Variants in MDH1 observed in about 807,000 individuals in gnomAD.
The protein encoded by MDH1 is malate dehydrogenase 1.
MDH1 carries 15 observed loss-of-function variants against 38.7 expected under a neutral mutation model. The observed-to-expected ratio is 0.39, with a 90% CI of 0.26 to 0.60. MDH1 has a LOEUF of 0.60. Ranked by LOEUF, MDH1 falls within the 20% of genes least tolerant of loss-of-function variation. The pLI is 0.56. For missense variants in MDH1, 368 were observed against 405.2 expected (o/e 0.91, Z 0.79); for synonymous variants, 144 against 143.6 (o/e 1.00, Z -0.02).
intron 1 of MDH1, among the ~76,000 whole-genome samples, chr2:63,589,740 C>T (rs1709125581): frequency 6.6e-6 from 1 of 152,068 alleles, no homozygotes; most frequent in African/African-American, 2.4e-5. Flanking sequence ...TCATGGAAGA[C>T]CTGGGTAACC....
intron 2 of MDH1, 102 bp from the exon 3 acceptor site, chr2:63,595,321 A>T (rs1709286264): frequency 1.3e-6 from 1 of 754,144 alleles, no homozygotes; most frequent in Admixed American, 2.0e-5. Context: ...ATTAATGGGA[A>T]TTACATGCAT....
At chr2:63,602,944 T>TTTTTG in intron 5 of MDH1, among the ~76,000 whole-genome samples, 2 of 3,062 alleles carry the variant, frequency 6.5e-4, no homozygotes, top group Non-Finnish European at 8.7e-4. Context: ...CTTTTTTTTT[T>TTTTTG]TTTTTTTTTT....
chr2:63,592,952 A>G (rs1436431394), intron 1 of MDH1, among the ~76,000 whole-genome samples: 1 of 152,186 alleles, frequency 6.6e-6, no homozygotes, highest in Non-Finnish European at 1.5e-5. Context: ...AAAGAAGGGA[A>G]AATGACAGAA....
At chr2:63,597,230 T>C (rs1438697807) in intron 3 of MDH1, 169 bp from the exon 4 acceptor site, 2 of 937,876 alleles carry the variant, frequency 2.1e-6, no homozygotes, top group Admixed American at 1.2e-4. Flanking sequence ...TCTAATGTTA[T>C]GATTGTTAAA....
chr2:63,605,242 C>G, intron 6 of MDH1, 38 bp from the exon 7 acceptor site: 1 of 1,361,246 alleles, frequency 7.3e-7, no homozygotes. Flanking sequence ...GCTATCATGA[C>G]CAAGTAATAC....
chr2:63,604,797 G>C lies in MDH1; in HGVS notation c.600G>C (p.Val200=). The stretch of plus-strand genomic sequence containing the variant: ...ATCCAGATGTCAACCATGCCAAGGT[G>C]AAATTGCAAGGAAAGGAAGTTGGTG... ...TQYPDVNHAK[V]KLQGKEVGVY... The change falls in exon 6 of 9, where the codon GTG becomes GTC. Residue 200 remains valine, a synonymous_variant. Coordinates refer to ENST00000233114, the MANE Select transcript of MDH1 (RefSeq NM_005917.4). The C allele has an allele frequency of 2.5e-6, 4 of 1,614,172 alleles. No individual in the cohort carries two copies. The highest frequency in any genetic ancestry group is 3.4e-6 in the Non-Finnish European group (4 of 1,180,016).
At chr2:63,606,778 T>C in intron 8 of MDH1, 84 bp from the exon 9 acceptor site, 1 of 1,012,908 alleles carries the variant, frequency 9.9e-7, no homozygotes, top group Non-Finnish European at 1.4e-6. Context: ...ACGATATACC[T>C]CTAAATATAA....
chr2:63,604,696 A>G lies in MDH1; in HGVS notation c.499A>G (p.Ile167Val). Residue 167 changes from isoleucine (I) to valine (V), a missense_variant and splice_region_variant, in exon 6 of 9, where the codon ATT becomes GTT. Transcript: ENST00000233114. ...ATGTATTTGTTTTCAATTTAACTAG[A>G]TTGCTCTTAAACTTGGTGTGACTGC... ...RLDHNRAKAQ[I>V]ALKLGVTAND... 6.2e-7 allele frequency: 1 copy of G among 1,612,038 alleles called. No individual in the cohort carries two copies. Among genetic ancestry groups the G allele is most frequent in the East Asian group, 2.2e-5 (1 of 44,840 alleles).
At position 63,605,956 on chromosome 2, in the gene MDH1, G is replaced by A. The variant is rs1709519298; in HGVS notation, c.807G>A (p.Met269Ile). 6.2e-7 allele frequency: 1 copy of A among 1,613,912 alleles called. No individual in the cohort carries two copies. Among genetic ancestry groups the A allele is most frequent in the Non-Finnish European group, 8.5e-7 (1 of 1,179,778 alleles). The change falls in exon 8 of 9, where the codon ATG (methionine) becomes ATA (isoleucine). Residue 269 changes from methionine to isoleucine, a missense_variant. By Grantham distance (10) the Met-to-Ile change is conservative. Transcript: ENST00000233114. ...FGTPEGEFVSMGVISDGNSYG... is the reference protein window; with the variant it reads ...FGTPEGEFVSIGVISDGNSYG... ...ATTTTCAGGGAGAGTTTGTGTCCAT[G>A]GGTGTTATCTCTGATGGCAACTCCT...
At chr2:63,591,928 A>G (rs1032697694) in intron 1 of MDH1, among the ~76,000 whole-genome samples, 3 of 152,232 alleles carry the variant, frequency 2.0e-5, no homozygotes, top group African/African-American at 7.2e-5. Context: ...CCATTTTACT[A>G]TGGGGAAATA....
In MDH1 at chr2:63,599,043, G is replaced by T. The variant is rs931776445; in HGVS notation, c.376-127G>T. 30 of 740,332 alleles carry T rather than the reference G, an allele frequency of 4.1e-5. No individual in the cohort carries two copies. In the East Asian group the frequency reaches 8.5e-4, roughly 21 times the overall value. 45.9% of individuals were successfully genotyped at this position (740,332 alleles called of 1,614,324 possible). A position where few individuals can be genotyped will look rare whatever the true frequency, so the allele number is the denominator to read the frequency against. On this transcript the variant is annotated intron_variant, in intron 4 of 8. Coordinates refer to ENST00000233114, the MANE Select transcript of MDH1 (RefSeq NM_005917.4). The stretch of plus-strand genomic sequence containing the variant: ...AAAATGCATTTTCCTATGCTATATT[G>T]TATTTGGTGTTTCCCAAGCCTCCCC...
chr2:63,604,981 C>A, intron 6 of MDH1, 109 bp downstream of exon 6: 1 of 1,085,148 alleles, frequency 9.2e-7, no homozygotes, highest in Non-Finnish European at 1.3e-6. Context: ...GCTCTGATGA[C>A]TGCATACTTT....
chr2:63,599,939 G>C (rs1251942823), intron 5 of MDH1: 1 of 152,234 alleles, frequency 6.6e-6, no homozygotes, highest in African/African-American at 2.4e-5. Context: ...ATCTGAGCTA[G>C]TTTCCTAGGC....
At chr2:63,592,263 A>G (rs1000120364) in intron 1 of MDH1, among the ~76,000 whole-genome samples, 2 of 152,344 alleles carry the variant, frequency 1.3e-5, no homozygotes, top group African/African-American at 4.8e-5. Flanking sequence ...TTTGTTAGCT[A>G]TAGTTGGAAC....
chr2:63,596,983 A>G (rs375097537), intron 3 of MDH1, among the ~76,000 whole-genome samples: 1 of 152,170 alleles, frequency 6.6e-6, no homozygotes, highest in East Asian at 1.9e-4. Context: ...CTCAATAAAC[A>G]TTTATTATTT....
intron 1 of MDH1, chr2:63,589,819 T>C (rs184647853): frequency 3.5e-4 from 81 of 231,444 alleles, no homozygotes; most frequent in African/African-American, 1.7e-3. Context: ...AACTCTGGCG[T>C]AGGAATAATC....
chr2:63,598,956 CT>C (rs1709369166), intron 4 of MDH1, among the ~76,000 whole-genome samples: 1 of 148,594 alleles, frequency 6.7e-6, no homozygotes, highest in Admixed American at 6.7e-5. Context: ...TGTAACTTTT[CT>C]ATAAATCTGA....
chr2:63,589,383 A>G (rs866218807), intron 1 of MDH1: 1 of 1,550,574 alleles, frequency 6.4e-7, no homozygotes. Context: ...AAGGACGATA[A>G]GGTTTGCGAT....
In MDH1 at chr2:63,604,762, T is replaced by A. The variant is rs1460144229; in HGVS notation, c.565T>A (p.Ser189Thr). The stretch of plus-strand genomic sequence containing the variant: ...TGTCATTATCTGGGGAAACCATTCC[T>A]CGACTCAGTATCCAGATGTCAACCA... ...KNVIIWGNHSSTQYPDVNHAK... is the reference protein window; with the variant it reads ...KNVIIWGNHSTTQYPDVNHAK... The change falls in exon 6 of 9, where the codon TCG becomes ACG. Residue 189 changes from serine to threonine, a missense_variant. Transcript: ENST00000233114. The A allele has an allele frequency of 6.2e-7, 1 of 1,614,062 alleles. No homozygotes were observed. Among genetic ancestry groups the A allele is most frequent in the Admixed American group, 1.7e-5 (1 of 60,012 alleles).
Sources: allele counts gnomAD v4.1 joint callset (sites outside exome capture counted in the v4.1 genomes callset), GRCh38; gene constraint gnomAD v4.1.1; transcripts MANE v1.5; gene names NCBI Gene and HGNC (gene_info 2026-07-23, HGNC 2026-07-21).